Variants in CAST observed in about 807,000 individuals in gnomAD.
The protein encoded by CAST is MIR583 host.
CAST carries 76 observed loss-of-function variants against 119.6 expected under a neutral mutation model. That is an observed-to-expected ratio of 0.64 (90% CI 0.53 to 0.77). The LOEUF (loss-of-function observed/expected upper bound fraction) is 0.77, where lower values mean the gene tolerates loss of function less well. Ranked by LOEUF, CAST falls within the 30% of genes least tolerant of loss-of-function variation. The pLI is 0.00. For missense variants in CAST, 953 were observed against 946.5 expected (o/e 1.01, Z -0.09); for synonymous variants, 319 against 331.6 (o/e 0.96, Z 0.41).
At chr5:96,670,866 G>A (rs984669237) in intron 1 of CAST, among the ~76,000 whole-genome samples, 10 of 152,180 alleles carry the variant, frequency 6.6e-5, no homozygotes, top group Non-Finnish European at 1.5e-4. Context: ...GTGTGTATCT[G>A]GGTAACAACA....
At chr5:96,245,997 T>G in the CAST span, among the ~76,000 whole-genome samples, 7 of 151,976 alleles carry the variant, frequency 4.6e-5, no homozygotes, top group Non-Finnish European at 1.0e-4. Context: ...AGGCAGGTGA[T>G]TGTAAATCCT....
the CAST span, among the ~76,000 whole-genome samples, chr5:96,143,316 C>G: frequency 6.6e-6 from 1 of 152,226 alleles, no homozygotes; most frequent in Admixed American, 6.5e-5. Flanking sequence ...GCTGGGTTAA[C>G]TGAGACTCCA....
At chr5:96,299,204 C>G in the CAST span, among the ~76,000 whole-genome samples, 1 of 152,008 alleles carries the variant, frequency 6.6e-6, no homozygotes, top group Non-Finnish European at 1.5e-5. Context: ...AAGATCGCAC[C>G]ATTGCACTCC....
chr5:96,612,544 G>A (rs80215936), intron 1 of CAST, among the ~76,000 whole-genome samples: 2,086 of 152,186 alleles, frequency 0.014, 42 homozygotes, highest in African/African-American at 0.048. Flanking sequence ...ATATATCCAC[G>A]TAACAAACCT....
At chr5:96,602,981 G>A (rs1314192696) in intron 1 of CAST, among the ~76,000 whole-genome samples, 1 of 152,192 alleles carries the variant, frequency 6.6e-6, no homozygotes, top group African/African-American at 2.4e-5. Flanking sequence ...CAGGATGAAG[G>A]AAAATACAGC....
At chr5:96,460,458 A>C in the CAST span, among the ~76,000 whole-genome samples, 2 of 152,070 alleles carry the variant, frequency 1.3e-5, no homozygotes, top group African/African-American at 4.8e-5. Flanking sequence ...TGATGGGTTG[A>C]TAGGTGCAGC....
the CAST span, among the ~76,000 whole-genome samples, chr5:96,358,713 C>T: frequency 0.023 from 3,505 of 152,064 alleles, 140 homozygotes; most frequent in African/African-American, 0.079. Flanking sequence ...TTATAATTTC[C>T]ATTCTTTTGC....
intron 1 of CAST, among the ~76,000 whole-genome samples, chr5:96,651,137 G>A (rs925026631): frequency 1.3e-5 from 2 of 152,058 alleles, no homozygotes; most frequent in East Asian, 1.9e-4. Context: ...TGATGCTGCC[G>A]ATGCCAGCCT....
chr5:96,515,258 G>T, the CAST span, among the ~76,000 whole-genome samples: 1 of 150,480 alleles, frequency 6.6e-6, no homozygotes, highest in African/African-American at 2.4e-5. Context: ...TAAGTTGGTA[G>T]TCCTGGGGAT....
At chr5:96,574,320 G>A (rs1222277303) in intron 1 of CAST, among the ~76,000 whole-genome samples, 1 of 4,250 alleles carries the variant, frequency 2.4e-4, no homozygotes, top group Non-Finnish European at 3.2e-4. Context: ...GCCTCCCAAA[G>A]TGCTGGGATT....
At chr5:96,297,995 C>T in the CAST span, among the ~76,000 whole-genome samples, 1 of 152,204 alleles carries the variant, frequency 6.6e-6, no homozygotes, top group Non-Finnish European at 1.5e-5. Context: ...GATTCACATT[C>T]ATTTCACTCC....
At chr5:96,116,806 A>G in the CAST span, among the ~76,000 whole-genome samples, 3 of 152,160 alleles carry the variant, frequency 2.0e-5, no homozygotes, top group Admixed American at 1.3e-4. Flanking sequence ...ACTGAGTTGT[A>G]TGTATTTTTA....
the CAST span, among the ~76,000 whole-genome samples, chr5:96,209,651 G>A: frequency 3.5e-4 from 14 of 39,838 alleles, no homozygotes; most frequent in East Asian, 1.4e-3. Context: ...CGCACCCCCC[G>A]CCCACCCCAC....
At chr5:96,768,420 G>C (rs1478951070) in intron 29 of CAST, 5 of 456,200 alleles carry the variant, frequency 1.1e-5, no homozygotes, top group South Asian at 4.7e-5. Context: ...ATCAAACGAT[G>C]ATATAGAGAA....
chr5:96,025,493 C>T, the CAST span, among the ~76,000 whole-genome samples: 1 of 152,022 alleles, frequency 6.6e-6, no homozygotes, highest in Non-Finnish European at 1.5e-5. Flanking sequence ...ACAATCAGTC[C>T]GTAGCAAGTT....
chr5:96,477,555 T>C, the CAST span, among the ~76,000 whole-genome samples: 1 of 152,230 alleles, frequency 6.6e-6, no homozygotes, highest in Non-Finnish European at 1.5e-5. Flanking sequence ...TGACCCATAG[T>C]GCTTCAACAT....
the CAST span, among the ~76,000 whole-genome samples, chr5:96,271,582 C>T: frequency 1.1e-4 from 16 of 151,026 alleles, no homozygotes; most frequent in African/African-American, 3.4e-4. Context: ...CTATCTCTCA[C>T]GATGTACAAA....
intron 2 of CAST, among the ~76,000 whole-genome samples, chr5:96,686,444 A>G (rs191575927): frequency 6.6e-6 from 1 of 152,300 alleles, no homozygotes; most frequent in East Asian, 1.9e-4. Context: ...GCAAAGAGGT[A>G]GAGGAAGCTG....
chr5:96,520,512 T>G (rs1745497990), upstream of CAST, among the ~76,000 whole-genome samples: 1 of 152,070 alleles, frequency 6.6e-6, no homozygotes, highest in Admixed American at 6.6e-5. Context: ...TGTGTCAGTG[T>G]GTGTGTTTGT....
Sources: allele counts gnomAD v4.1 joint callset (sites outside exome capture counted in the v4.1 genomes callset), GRCh38; gene constraint gnomAD v4.1.1; transcripts MANE v1.5; gene names NCBI Gene and HGNC (gene_info 2026-07-23, HGNC 2026-07-21).